TNR: variants seen among roughly 807,000 people sequenced by gnomAD.
TNR encodes tenascin R.
Under a neutral mutation model 150.4 loss-of-function variants are expected in TNR, and 45 were observed. That is an observed-to-expected ratio of 0.30 (90% CI 0.24 to 0.38). The LOEUF (loss-of-function observed/expected upper bound fraction) is 0.38. Ranked by LOEUF, TNR falls within the 10% of genes least tolerant of loss-of-function variation. The probability of loss-of-function intolerance (pLI) is 1.00; values close to 1 mark genes in which losing one functional copy is unlikely to be tolerated. For synonymous variants in TNR, 687 were observed against 678.4 expected, an observed-to-expected ratio of 1.01 and a Z score of -0.20; for missense variants, 1,544 against 1,759.1, an observed-to-expected ratio of 0.88 and a Z score of 2.19.
At chr1:175,332,265 G>T (rs1649979961) in intron 20 of TNR, among the ~76,000 whole-genome samples, 1 of 152,182 alleles carries the variant, frequency 6.6e-6, no homozygotes, top group Non-Finnish European at 1.5e-5. Context: ...TGTCTAAGTG[G>T]TGACCAGCTC....
At chr1:175,335,479 G>A in intron 20 of TNR, 1 of 442,186 alleles carries the variant, frequency 2.3e-6, no homozygotes, top group East Asian at 3.6e-5. Context: ...ATCAGAATAA[G>A]AGACTATTAA....
intron 20 of TNR, among the ~76,000 whole-genome samples, chr1:175,331,455 G>A (rs922530357): frequency 2.0e-5 from 3 of 151,980 alleles, no homozygotes; most frequent in African/African-American, 7.3e-5. Flanking sequence ...AGTAAAGATG[G>A]GGTTTCACCG....
At chr1:175,722,765 C>A (rs1397272042) in intron 1 of TNR, among the ~76,000 whole-genome samples, 2 of 142,872 alleles carry the variant, frequency 1.4e-5, no homozygotes, top group Non-Finnish European at 3.0e-5. Context: ...CTGTGCCTGG[C>A]CTATTTTTGT....
chr1:175,647,524 G>A (rs1049962844), intron 1 of TNR, among the ~76,000 whole-genome samples: 1 of 151,952 alleles, frequency 6.6e-6, no homozygotes, highest in African/African-American at 2.4e-5. Context: ...GAAGCTGGAG[G>A]AAATGGTTCT....
chr1:175,600,496 C>T (rs1663192036), intron 1 of TNR, among the ~76,000 whole-genome samples: 1 of 152,214 alleles, frequency 6.6e-6, no homozygotes, highest in South Asian at 2.1e-4. Flanking sequence ...TATGTCTATA[C>T]ATGAGATGCA....
At chr1:175,601,816 CT>C in intron 1 of TNR, among the ~76,000 whole-genome samples, 1 of 152,174 alleles carries the variant, frequency 6.6e-6, no homozygotes. Flanking sequence ...CTATTCCTAC[CT>C]AATAGAATAG....
intron 1 of TNR, among the ~76,000 whole-genome samples, chr1:175,601,374 G>T (rs1663229245): frequency 6.6e-6 from 1 of 152,304 alleles, no homozygotes; most frequent in African/African-American, 2.4e-5. Flanking sequence ...ATATATGTTT[G>T]CATGTCTTTG....
intron 1 of TNR, among the ~76,000 whole-genome samples, chr1:175,734,599 G>A (rs1667724159): frequency 6.6e-6 from 1 of 152,228 alleles, no homozygotes; most frequent in Non-Finnish European, 1.5e-5. Context: ...TGAGGAGCAG[G>A]AACCTGGCAG....
chr1:175,654,854 G>A (rs1004020031), intron 1 of TNR, among the ~76,000 whole-genome samples: 1 of 151,276 alleles, frequency 6.6e-6, no homozygotes, highest in Non-Finnish European at 1.5e-5. Context: ...GAGTAGCTGG[G>A]ACTACAGGCA....
At chr1:175,616,729 G>T (rs954543759) in intron 1 of TNR, among the ~76,000 whole-genome samples, 2 of 152,128 alleles carry the variant, frequency 1.3e-5, no homozygotes, top group African/African-American at 4.8e-5. Flanking sequence ...AGGAGCATAG[G>T]AAAGAAGACA....
rs138513344 is a variant in TNR, at chr1:175,528,918, C to T, written c.-164-549G>A. ...ACTTTCTCACTGCTTTAGTTCCTGT[C>T]CCAAGCACAATGCCAGTGCATAAAA... On this transcript the variant is annotated intron_variant, in intron 1 of 22. Transcript: ENST00000367674. Among the ~76,000 whole-genome samples, 640 of 152,304 alleles carry T rather than the reference C, an allele frequency of 4.2e-3. 3 individuals are homozygous for T. In the Middle Eastern group the frequency reaches 0.048, roughly 11 times the overall value.
chr1:175,736,114 G>T (rs1571804671), intron 1 of TNR, among the ~76,000 whole-genome samples: 1 of 152,302 alleles, frequency 6.6e-6, no homozygotes, highest in East Asian at 1.9e-4. Flanking sequence ...CAGTCCCCAG[G>T]CCATATTAAA....
At chr1:175,462,794 A>G (rs1407284629) in intron 2 of TNR, among the ~76,000 whole-genome samples, 1 of 152,132 alleles carries the variant, frequency 6.6e-6, no homozygotes, top group African/African-American at 2.4e-5. Flanking sequence ...CCCTTCCACC[A>G]CCACCCACAG....
chr1:175,604,899 A>G (rs1227551498), intron 1 of TNR, among the ~76,000 whole-genome samples: 1 of 152,196 alleles, frequency 6.6e-6, no homozygotes, highest in Non-Finnish European at 1.5e-5. Flanking sequence ...CCAGAGAAAC[A>G]CAAGATGTAG....
chr1:175,702,062 T>C (rs1214260040), intron 1 of TNR, among the ~76,000 whole-genome samples: 1 of 152,206 alleles, frequency 6.6e-6, no homozygotes, highest in African/African-American at 2.4e-5. Flanking sequence ...TTAATTATTT[T>C]TGTCTTCTAT....
At chr1:175,640,360 A>T (rs771125590) in intron 1 of TNR, among the ~76,000 whole-genome samples, 1 of 152,190 alleles carries the variant, frequency 6.6e-6, no homozygotes, top group Non-Finnish European at 1.5e-5. Flanking sequence ...CTCCTCAAGT[A>T]TTTGGACGTC....
intron 1 of TNR, among the ~76,000 whole-genome samples, chr1:175,654,719 CTTTTTT>C (rs36087120): frequency 3.2e-4 from 24 of 74,740 alleles, no homozygotes; most frequent in Admixed American, 6.0e-4. Flanking sequence ...AAGTTCCCTT[CTTTTTT>C]TTTTTTTTTT....
At chr1:175,331,007 T>TTCTTTCTTTCTTTCTTTCTTTC (rs1557867142) in intron 20 of TNR, among the ~76,000 whole-genome samples, 73 of 42,152 alleles carry the variant, frequency 1.7e-3, no homozygotes, top group Middle Eastern at 8.6e-3. Context: ...GATTCTTTCT[T>TTCTTTCTTTCTTTCTTTCTTTC]TCTTTCTTTC....
At chr1:175,669,689 G>A (rs765435371) in intron 1 of TNR, among the ~76,000 whole-genome samples, 2 of 152,228 alleles carry the variant, frequency 1.3e-5, no homozygotes, top group Non-Finnish European at 2.9e-5. Flanking sequence ...TGTGGGCAGA[G>A]AGGAAACCTC....
Sources: allele counts gnomAD v4.1 joint callset (sites outside exome capture counted in the v4.1 genomes callset), GRCh38; gene constraint gnomAD v4.1.1; transcripts MANE v1.5; gene names NCBI Gene and HGNC (gene_info 2026-07-23, HGNC 2026-07-21).